Variants in PRICKLE2 observed in about 807,000 individuals in gnomAD.
PRICKLE2 encodes the protein prickle-like protein 2.
In PRICKLE2, 21 loss-of-function variants were observed where a neutral mutation model predicts 81.4. The ratio of observed to expected loss-of-function variants is 0.26; its 90% CI spans 0.18 to 0.37. The LOEUF (loss-of-function observed/expected upper bound fraction) is 0.37, where lower values mean the gene tolerates loss of function less well. Ranked by LOEUF, PRICKLE2 falls within the 10% of genes least tolerant of loss-of-function variation. The pLI is 1.00. For missense variants in PRICKLE2, 940 were observed against 1,109.0 expected (o/e 0.85, Z 2.16); for synonymous variants, 456 against 421.5 (o/e 1.08, Z -1.00).
intron 2 of PRICKLE2, among the ~76,000 whole-genome samples, chr3:64,267,284 C>G (rs1429335333): frequency 6.6e-6 from 1 of 152,128 alleles, no homozygotes; most frequent in African/African-American, 2.4e-5. Context: ...GCCCTCTCCA[C>G]CTACCCCAAT....
At chr3:64,224,140 C>T (rs924392515) in intron 1 of PRICKLE2, among the ~76,000 whole-genome samples, 19 of 152,170 alleles carry the variant, frequency 1.2e-4, no homozygotes, top group Non-Finnish European at 2.4e-4. Context: ...TGGTATGGAT[C>T]GCTAACCTCA....
At chr3:64,165,115 G>A (rs1484834909) in intron 2 of PRICKLE2, among the ~76,000 whole-genome samples, 1 of 152,178 alleles carries the variant, frequency 6.6e-6, no homozygotes, top group Non-Finnish European at 1.5e-5. Flanking sequence ...ATGGATGCTT[G>A]AAAATGCAGA....
At chr3:64,191,245 G>A (rs542662281) in intron 2 of PRICKLE2, among the ~76,000 whole-genome samples, 17 of 152,276 alleles carry the variant, frequency 1.1e-4, no homozygotes, top group Admixed American at 5.2e-4. Context: ...CCTCTTTCCC[G>A]GAAGCCAAAC....
intron 7 of PRICKLE2, chr3:64,141,991 TA>T (rs919243087): frequency 6.5e-4 from 592 of 914,502 alleles, no homozygotes; most frequent in Middle Eastern, 1.1e-3. Flanking sequence ...AGAATGCTAT[TA>T]AAAAAAAAAC....
chr3:64,139,807 G>C (rs55841044), intron 7 of PRICKLE2, among the ~76,000 whole-genome samples: 1 of 152,120 alleles, frequency 6.6e-6, no homozygotes, highest in Non-Finnish European at 1.5e-5. Flanking sequence ...TCCTACCACA[G>C]GGCCTTTACA....
chr3:64,236,720 T>A (rs2079186591), intron 2 of PRICKLE2, among the ~76,000 whole-genome samples: 1 of 152,242 alleles, frequency 6.6e-6, no homozygotes, highest in African/African-American at 2.4e-5. Context: ...TGTTTGATCC[T>A]TGGGCTATGG....
intron 2 of PRICKLE2, among the ~76,000 whole-genome samples, chr3:64,264,750 T>A (rs1342188656): frequency 6.6e-6 from 1 of 152,174 alleles, no homozygotes; most frequent in Admixed American, 6.5e-5. Flanking sequence ...GATCAAATAG[T>A]AGCTGTTTTA....
intron 7 of PRICKLE2, among the ~76,000 whole-genome samples, chr3:64,116,837 C>A (rs1069983): frequency 6.6e-6 from 1 of 151,902 alleles, no homozygotes; most frequent in African/African-American, 2.4e-5. Flanking sequence ...TCCTCCCTAA[C>A]TTATTCTATG....
intron 2 of PRICKLE2, among the ~76,000 whole-genome samples, chr3:64,188,249 CT>C: frequency 6.6e-6 from 1 of 152,320 alleles, no homozygotes; most frequent in African/African-American, 2.4e-5. Flanking sequence ...CTACTTTAGA[CT>C]TGGGCAGAAG....
chr3:64,169,647 A>G (rs1383073962), intron 2 of PRICKLE2, among the ~76,000 whole-genome samples: 1 of 152,192 alleles, frequency 6.6e-6, no homozygotes, highest in Non-Finnish European at 1.5e-5. Context: ...CACAAACACA[A>G]GGTAAAGGCC....
chr3:64,166,756 T>C (rs1386068833), intron 2 of PRICKLE2, among the ~76,000 whole-genome samples: 2 of 152,332 alleles, frequency 1.3e-5, no homozygotes, highest in Admixed American at 1.3e-4. Context: ...CACTCCCATA[T>C]CACATGGTAG....
At chr3:64,214,033 T>C (rs973424436) in intron 1 of PRICKLE2, among the ~76,000 whole-genome samples, 1 of 152,160 alleles carries the variant, frequency 6.6e-6, no homozygotes, top group African/African-American at 2.4e-5. Flanking sequence ...AATAACATTT[T>C]CAGTTTATAT....
chr3:64,199,212 G>T, intron 1 of PRICKLE2: 1 of 593,536 alleles, frequency 1.7e-6, no homozygotes, highest in South Asian at 2.0e-5. Flanking sequence ...GTGTTTACAT[G>T]TGGACCCCAG....
At position 64,162,146 on chromosome 3, in the gene PRICKLE2, C is replaced by T. The variant is rs181340267; in HGVS notation, c.258+870G>A. Among the ~76,000 whole-genome samples, 955 of 152,094 alleles carry T rather than the reference C, an allele frequency of 6.3e-3. 4 individuals carry two copies. The highest frequency in any genetic ancestry group is 0.01 in the Non-Finnish European group (699 of 67,988). On this transcript the variant is annotated intron_variant, in intron 3 of 7. Coordinates refer to ENST00000638394, the MANE Select transcript of PRICKLE2 (RefSeq NM_198859.4). ...GGGACGGAGCTGCTGGGATTCAGCT[C>T]GTGGGTTGGAGAGTTGGTAGAAAGC...
chr3:64,119,887 T>A lies in PRICKLE2; in HGVS notation c.1661-19962A>T, dbSNP rs113054044. 5.2e-4 allele frequency among the ~76,000 whole-genome samples: 79 copies of A among 152,290 alleles called. 1 individual carries two copies. Among genetic ancestry groups the A allele is most frequent in the African/African-American group, 1.9e-3 (77 of 41,558 alleles). On this transcript the variant is annotated intron_variant, in intron 7 of 7. Transcript: ENST00000638394. ...AATATGATGCAGCCATAAAAAAGTA[T>A]GAGATCATGTCCTTTGTGGCAGCAT...
chr3:64,144,922 T>C (rs2077421145), intron 7 of PRICKLE2, among the ~76,000 whole-genome samples: 1 of 152,196 alleles, frequency 6.6e-6, no homozygotes, highest in South Asian at 2.1e-4. Context: ...ATCTCGCTGC[T>C]GATAGGTGTT....
chr3:64,216,818 A>G (rs558869004), intron 1 of PRICKLE2, among the ~76,000 whole-genome samples: 1 of 152,236 alleles, frequency 6.6e-6, no homozygotes, highest in Admixed American at 6.5e-5. Flanking sequence ...TTTGCTGTGC[A>G]TTTTCACCCT....
chr3:64,196,072 T>A (rs2078447505), intron 2 of PRICKLE2, among the ~76,000 whole-genome samples: 1 of 152,238 alleles, frequency 6.6e-6, no homozygotes, highest in Non-Finnish European at 1.5e-5. Context: ...AGACATTCAT[T>A]TTGGATGAGT....
chr3:64,100,060 G>A, intron 7 of PRICKLE2, 135 bp from the exon 8 acceptor site: 1 of 927,094 alleles, frequency 1.1e-6, no homozygotes, highest in South Asian at 1.5e-5. Context: ...CCCTCTCAGG[G>A]GGCACATGTG....
Sources: allele counts gnomAD v4.1 joint callset (sites outside exome capture counted in the v4.1 genomes callset), GRCh38; gene constraint gnomAD v4.1.1; transcripts MANE v1.5; gene names NCBI Gene and HGNC (gene_info 2026-07-23, HGNC 2026-07-21).